Variants in UBASH3B observed in about 807,000 individuals in gnomAD.
UBASH3B encodes ubiquitin associated and SH3 domain containing B, also known as ubiquitin-associated and SH3 domain-containing protein B.
UBASH3B carries 37 observed loss-of-function variants against 83.4 expected under a neutral mutation model. That is an observed-to-expected ratio of 0.44 (90% confidence interval 0.34 to 0.58). The LOEUF (loss-of-function observed/expected upper bound fraction) is 0.58, where lower values mean the gene tolerates loss of function less well. Among genes scored for constraint, UBASH3B ranks in the 20% least tolerant of loss-of-function variants. The pLI is 0.01. For synonymous variants in UBASH3B, 304 were observed against 318.3 expected (o/e 0.96, Z 0.48); for missense variants, 657 against 827.2 (o/e 0.79, Z 2.52).
chr11:122,743,921 G>A (rs1309448347), intron 1 of UBASH3B, among the ~76,000 whole-genome samples: 4 of 152,218 alleles, frequency 2.6e-5, no homozygotes, highest in Non-Finnish European at 5.9e-5. Context: ...AACCCCTGGC[G>A]AGGAAGAGGT....
intron 1 of UBASH3B, among the ~76,000 whole-genome samples, chr11:122,727,997 C>CATTATTATTATT (rs60967984): frequency 2.4e-4 from 36 of 150,006 alleles, no homozygotes; most frequent in African/African-American, 5.6e-4. Context: ...CCCATCTTAT[C>CATTATTATTATT]ATTATTATTA....
At chr11:122,740,075 T>G (rs1399214960) in intron 1 of UBASH3B, among the ~76,000 whole-genome samples, 1 of 152,234 alleles carries the variant, frequency 6.6e-6, no homozygotes, top group Non-Finnish European at 1.5e-5. Flanking sequence ...TTTTGTCATA[T>G]TCATTTAATA....
At chr11:122,694,647 A>G (rs1261710728) in intron 1 of UBASH3B, among the ~76,000 whole-genome samples, 2 of 152,348 alleles carry the variant, frequency 1.3e-5, no homozygotes, top group East Asian at 3.9e-4. Flanking sequence ...AGAAAAATTA[A>G]TGGGTTGATG....
intron 6 of UBASH3B, among the ~76,000 whole-genome samples, chr11:122,793,988 C>G (rs1003396523): frequency 1.3e-5 from 2 of 152,068 alleles, no homozygotes; most frequent in African/African-American, 2.4e-5. Flanking sequence ...ATGGAAATTA[C>G]CACGGGAAAT....
intron 1 of UBASH3B, among the ~76,000 whole-genome samples, chr11:122,718,145 G>C (rs771941273): frequency 2.0e-5 from 3 of 151,960 alleles, no homozygotes; most frequent in Admixed American, 6.5e-5. Context: ...GGCAGGCCTC[G>C]AGCTCCTAAC....
chr11:122,730,678 C>A (rs1349431086), intron 1 of UBASH3B, among the ~76,000 whole-genome samples: 1 of 151,946 alleles, frequency 6.6e-6, no homozygotes, highest in Non-Finnish European at 1.5e-5. Context: ...TCATTGCAAC[C>A]TCTGCCTCCC....
At chr11:122,689,973 C>G (rs1565530075) in intron 1 of UBASH3B, among the ~76,000 whole-genome samples, 1 of 151,720 alleles carries the variant, frequency 6.6e-6, no homozygotes, top group Non-Finnish European at 1.5e-5. Flanking sequence ...GGCAGCCCAC[C>G]AAACCCCGCC....
chr11:122,727,903 C>T (rs1860771874), intron 1 of UBASH3B, among the ~76,000 whole-genome samples: 1 of 152,168 alleles, frequency 6.6e-6, no homozygotes, highest in South Asian at 2.1e-4. Flanking sequence ...CAGATGGCAG[C>T]AGTGGCCCAG....
chr11:122,674,982 G>A (rs1231448962), intron 1 of UBASH3B, among the ~76,000 whole-genome samples: 3 of 152,078 alleles, frequency 2.0e-5, no homozygotes, highest in South Asian at 2.1e-4. Flanking sequence ...ACCCACCTTC[G>A]TCTCCCAAAG....
intron 1 of UBASH3B, 104 bp downstream of exon 1, chr11:122,656,314 G>A (rs1016978288): frequency 8.6e-7 from 1 of 1,160,208 alleles, no homozygotes; most frequent in Non-Finnish European, 1.1e-6. Flanking sequence ...CAGGCAGCGC[G>A]CTCCCCGCTG....
At chr11:122,673,437 A>C (rs545718324) in intron 1 of UBASH3B, among the ~76,000 whole-genome samples, 1 of 152,168 alleles carries the variant, frequency 6.6e-6, no homozygotes, top group Non-Finnish European at 1.5e-5. Flanking sequence ...TCACAAGGTC[A>C]GGAGATCGAG....
At chr11:122,723,647 C>T (rs1005484314) in intron 1 of UBASH3B, among the ~76,000 whole-genome samples, 1 of 152,204 alleles carries the variant, frequency 6.6e-6, no homozygotes, top group Non-Finnish European at 1.5e-5. Flanking sequence ...GGCAGGCAGG[C>T]CCAAGGGATG....
chr11:122,674,529 C>T lies in UBASH3B; in HGVS notation c.161+18319C>T, dbSNP rs557183271. 2.0e-4 allele frequency among the ~76,000 whole-genome samples: 31 copies of T among 151,998 alleles called. No individual in the cohort carries two copies. The South Asian group carries it at 4.6e-3, about 22-fold the overall frequency. On this transcript the variant is annotated intron_variant, in intron 1 of 13. Coordinates refer to ENST00000284273, the MANE Select transcript of UBASH3B (RefSeq NM_032873.5). Reference sequence around the variant, plus strand: ...CCCAGTACCTGGGACTACAGGCGCCCGCCACCACACCCGGCTAATTTTTTT... The same window carrying T: ...CCCAGTACCTGGGACTACAGGCGCCTGCCACCACACCCGGCTAATTTTTTT...
intron 5 of UBASH3B, among the ~76,000 whole-genome samples, chr11:122,785,689 C>T (rs1349975149): frequency 1.3e-5 from 2 of 152,212 alleles, no homozygotes; most frequent in Non-Finnish European, 2.9e-5. Flanking sequence ...ATCCTGGCTC[C>T]ATCACTTTAG....
intron 1 of UBASH3B, among the ~76,000 whole-genome samples, chr11:122,678,431 C>CA (rs1452047470): frequency 6.6e-6 from 1 of 152,106 alleles, no homozygotes; most frequent in Admixed American, 6.6e-5. Flanking sequence ...TCCAGATGTC[C>CA]AATAAGAAAA....
intron 1 of UBASH3B, among the ~76,000 whole-genome samples, chr11:122,712,317 G>A (rs1035045450): frequency 6.6e-6 from 1 of 152,112 alleles, no homozygotes; most frequent in Non-Finnish European, 1.5e-5. Context: ...TCTGGAGGGC[G>A]GTAGCTGACA....
chr11:122,665,285 C>A (rs190544330), intron 1 of UBASH3B, among the ~76,000 whole-genome samples: 1 of 152,194 alleles, frequency 6.6e-6, no homozygotes, highest in African/African-American at 2.4e-5. Flanking sequence ...TCCAGTAATC[C>A]TCCTGCCTCA....
At chr11:122,722,193 G>C (rs1283878928) in intron 1 of UBASH3B, among the ~76,000 whole-genome samples, 1 of 152,210 alleles carries the variant, frequency 6.6e-6, no homozygotes, top group East Asian at 1.9e-4. Flanking sequence ...ACCAGCTGAA[G>C]GCTGCCCTTG....
chr11:122,807,612 G>A (rs1200151331), intron 12 of UBASH3B, among the ~76,000 whole-genome samples: 3 of 152,066 alleles, frequency 2.0e-5, no homozygotes, highest in Non-Finnish European at 2.9e-5. Context: ...GCGCAGTGAT[G>A]CAATCATGGC....
Sources: allele counts gnomAD v4.1 joint callset (sites outside exome capture counted in the v4.1 genomes callset), GRCh38; gene constraint gnomAD v4.1.1; transcripts MANE v1.5; gene names NCBI Gene and HGNC (gene_info 2026-07-23, HGNC 2026-07-21).